RASGRF1: variants seen among roughly 807,000 people sequenced by gnomAD.
RASGRF1 encodes the protein Ras protein specific guanine nucleotide releasing factor 1, also known as ras-specific guanine nucleotide-releasing factor 1.
RASGRF1 carries 40 observed loss-of-function variants against 138.7 expected under a neutral mutation model. The ratio of observed to expected loss-of-function variants is 0.29; its 90% CI spans 0.22 to 0.38. RASGRF1 has a LOEUF of 0.38. Ranked by LOEUF, RASGRF1 falls within the 10% of genes least tolerant of loss-of-function variation. The pLI is 1.00. For missense variants in RASGRF1, 1,108 were observed against 1,650.4 expected (o/e 0.67, Z 5.69); for synonymous variants, 614 against 663.2 (o/e 0.93, Z 1.14).
At chr15:79,026,437 C>T (rs140290598) in intron 9 of RASGRF1, among the ~76,000 whole-genome samples, 1 of 152,338 alleles carries the variant, frequency 6.6e-6, no homozygotes, top group Non-Finnish European at 1.5e-5. Flanking sequence ...GGAGATCCAC[C>T]TGGCACCTGG....
intron 14 of RASGRF1, 150 bp from the exon 15 acceptor site, chr15:79,004,325 AG>A (rs2056622870): frequency 1.8e-6 from 2 of 1,104,210 alleles, no homozygotes; most frequent in African/African-American, 3.2e-5. Context: ...TGATCCTCTG[AG>A]CAGGGACAAT....
intron 1 of RASGRF1, among the ~76,000 whole-genome samples, chr15:79,084,996 T>C (rs1272849870): frequency 6.6e-6 from 1 of 152,192 alleles, no homozygotes; most frequent in African/African-American, 2.4e-5. Context: ...CTCTCTCACC[T>C]GGACTCTGGG....
chr15:79,072,267 C>CTTTTTTTTTTTTTTTTTTT lies in RASGRF1; in HGVS notation c.277-7760_277-7742dup, dbSNP rs758415767. Among the ~76,000 whole-genome samples the CTTTTTTTTTTTTTTTTTTT allele has an allele frequency of 2.1e-3, 127 of 61,582 alleles. 28 individuals are homozygous for CTTTTTTTTTTTTTTTTTTT. The highest frequency in any genetic ancestry group is 4.1e-3 in the East Asian group (5 of 1,212). The allele number at this position is 61,582 out of a possible 152,430, so 40.4% of individuals were successfully genotyped here. A position where few individuals can be genotyped will look rare whatever the true frequency, so the allele number is the denominator to read the frequency against. On this transcript the variant is annotated intron_variant, in intron 1 of 26. Transcript: ENST00000558480. ...TTTCTGGGAGTTCTTGATAAACAAT[C>CTTTTTTTTTTTTTTTTTTT]TTTTTTTTTTTTTTTTTTTTTTTTT...
chr15:79,063,016 A>G (rs2057629215), intron 2 of RASGRF1, among the ~76,000 whole-genome samples: 1 of 152,072 alleles, frequency 6.6e-6, no homozygotes, highest in African/African-American at 2.4e-5. Context: ...CTGACTCCCA[A>G]TCCCCTTACT....
At chr15:79,068,391 T>A (rs1454352631) in intron 1 of RASGRF1, among the ~76,000 whole-genome samples, 1 of 151,678 alleles carries the variant, frequency 6.6e-6, no homozygotes, top group African/African-American at 2.4e-5. Context: ...GGCAACTAAG[T>A]CTCTTCCTCC....
At chr15:78,988,681 G>A (rs116349899) in intron 22 of RASGRF1, among the ~76,000 whole-genome samples, 1,528 of 152,284 alleles carry the variant, frequency 0.01, 29 homozygotes, top group African/African-American at 0.034. Flanking sequence ...CCCACCACCG[G>A]CCCTCAAAGG....
At chr15:78,969,751 G>C (rs1047412917) in intron 26 of RASGRF1, among the ~76,000 whole-genome samples, 1 of 152,056 alleles carries the variant, frequency 6.6e-6, no homozygotes, top group Non-Finnish European at 1.5e-5. Flanking sequence ...CCTCTCCCCT[G>C]CTTCATTTCT....
chr15:78,988,657 T>A (rs905871399), intron 22 of RASGRF1, among the ~76,000 whole-genome samples: 5 of 152,020 alleles, frequency 3.3e-5, no homozygotes, highest in Non-Finnish European at 1.5e-5. Flanking sequence ...TCAGGGCAAG[T>A]GGAATCATGT....
chr15:79,001,509 G>C (rs532431673), intron 16 of RASGRF1, among the ~76,000 whole-genome samples, 153 bp downstream of exon 16: 1 of 152,100 alleles, frequency 6.6e-6, no homozygotes, highest in African/African-American at 2.4e-5. Flanking sequence ...GGCGGGTGGT[G>C]GTGGGTGGGT....
At chr15:78,978,784 C>T in intron 24 of RASGRF1, 1 of 1,127,628 alleles carries the variant, frequency 8.9e-7, no homozygotes, top group South Asian at 2.1e-5. Flanking sequence ...CCAGGTTTCC[C>T]CAGTCCCTCC....
intron 1 of RASGRF1, among the ~76,000 whole-genome samples, chr15:79,086,998 A>G (rs6495369): frequency 0.9 from 137,151 of 152,256 alleles, 61,810 homozygotes; most frequent in African/African-American, 0.94. Context: ...TGCAGCTGCC[A>G]GATGGAATAG....
intron 13 of RASGRF1, 137 bp downstream of exon 13, chr15:79,015,190 C>A: frequency 1.3e-6 from 1 of 745,790 alleles, no homozygotes; most frequent in Non-Finnish European, 2.1e-6. Flanking sequence ...AACAAGAAAA[C>A]ATCCAAAACA....
intron 15 of RASGRF1, 30 bp from the exon 16 acceptor site, chr15:79,001,817 TTTC>T: frequency 4.5e-6 from 6 of 1,333,620 alleles, no homozygotes; most frequent in South Asian, 3.9e-5. Flanking sequence ...TAATTTTACT[TTTC>T]TTAATTTTAA....
In RASGRF1 at chr15:79,027,383, TCA is replaced by T. The variant is rs1309723335; in HGVS notation, c.1381+356_1381+357del. Among the ~76,000 whole-genome samples, 1 of 152,162 alleles carries T rather than the reference TCA, an allele frequency of 6.6e-6. No homozygotes were observed. Among genetic ancestry groups the T allele is most frequent in the Non-Finnish European group, 1.5e-5 (1 of 68,024 alleles). Reference sequence around the variant, plus strand: ...CCCAGACACTGAAAACGCTTCTGACTCACAGAGACAACTGTTAGCTCCTCATC... The same window carrying T: ...CCCAGACACTGAAAACGCTTCTGACTCAGAGACAACTGTTAGCTCCTCATC... On this transcript the variant is annotated intron_variant, in intron 9 of 26. Transcript: ENST00000558480. This position sits in a 1 kb window ranked among gnomAD's most constrained non-coding sequence, Gnocchi z 4.8.
chr15:78,972,051 C>G (rs898154947), intron 25 of RASGRF1, 117 bp from the exon 26 acceptor site: 3 of 892,442 alleles, frequency 3.4e-6, no homozygotes, highest in African/African-American at 1.6e-5. Flanking sequence ...TAATTCCATA[C>G]ATGTTGCCTC....
rs140968213 is a variant in RASGRF1, at chr15:79,004,052, C to T, written c.2199G>A (p.Ser733=). 155 of 1,614,084 alleles carry T rather than the reference C, an allele frequency of 9.6e-5. No homozygotes were observed. The highest frequency in any genetic ancestry group is 1.2e-4 in the Non-Finnish European group (143 of 1,180,022). The change falls in exon 15 of 27, where the codon TCG becomes TCA. Residue 733 remains serine, a synonymous_variant. Coordinates refer to ENST00000558480, the MANE Select transcript of RASGRF1 (RefSeq NM_001145648.3). The stretch of plus-strand genomic sequence containing the variant: ...AGAGCTTCCGCCGGCGGCTCGGTGA[C>T]GATGTCTTGGTGATGGACAGAGGTG... ...SPPPLSITKT[S]SPSRRRKLSL...
intron 11 of RASGRF1, among the ~76,000 whole-genome samples, chr15:79,018,707 A>C (rs2056916023): frequency 6.6e-6 from 1 of 152,136 alleles, no homozygotes; most frequent in African/African-American, 2.4e-5. Flanking sequence ...TGAGAATTTT[A>C]GGAGTCCTTG....
At chr15:79,020,256 T>A in intron 10 of RASGRF1, 152 bp from the exon 11 acceptor site, 1 of 719,446 alleles carries the variant, frequency 1.4e-6, no homozygotes. Flanking sequence ...CAAGTGGGTA[T>A]TTTGCTTTTT....
chr15:79,090,147 T>C, intron 1 of RASGRF1, 76 bp downstream of exon 1: 1 of 1,460,300 alleles, frequency 6.8e-7, no homozygotes, highest in South Asian at 1.4e-5. Context: ...TCAAGCGCCA[T>C]CAGCCAGCCG....
Sources: gnomAD v4.1 joint callset for allele counts (sites outside exome capture counted in the v4.1 genomes callset) on GRCh38, gnomAD v4.1.1 for gene constraint, Gnocchi (gnomAD v3.1) non-coding constraint, MANE v1.5 for transcripts, NCBI Gene and HGNC (gene_info 2026-07-23, HGNC 2026-07-21) for gene names.